Variants in ADAMTS2 observed in about 807,000 individuals in gnomAD.
The protein encoded by ADAMTS2 is ADAM metallopeptidase with thrombospondin type 1 motif 2.
Under a neutral mutation model 123.0 loss-of-function variants are expected in ADAMTS2, and 50 were observed. The observed-to-expected ratio is 0.41, with a 90% CI of 0.32 to 0.51. The LOEUF (loss-of-function observed/expected upper bound fraction) is 0.51. Among genes scored for constraint, ADAMTS2 ranks in the 20% least tolerant of loss-of-function variants. The probability of loss-of-function intolerance (pLI) is 0.35; values close to 1 mark genes in which losing one functional copy is unlikely to be tolerated. For synonymous variants in ADAMTS2, 678 were observed against 695.4 expected (o/e 0.98, Z 0.39); for missense variants, 1,494 against 1,705.2 (o/e 0.88, Z 2.18).
In ADAMTS2 at chr5:179,162,857, C is replaced by T. The variant is rs1274677297; in HGVS notation, c.976-3978G>A. Among the ~76,000 whole-genome samples, 27 of 152,240 alleles carry T rather than the reference C, an allele frequency of 1.8e-4. No individual in the cohort carries two copies. The highest frequency in any genetic ancestry group is 1.7e-3 in the Admixed American group (26 of 15,282). On this transcript the variant is annotated intron_variant, in intron 5 of 21. Coordinates refer to ENST00000251582, the MANE Select transcript of ADAMTS2 (RefSeq NM_014244.5). The surrounding 1 kb of genome is among the most constrained non-coding windows in gnomAD (Gnocchi z 5.1). Reference sequence around the variant, plus strand: ...CTTGCAGCGAAGAGAATCTGAGCCACGTGCTTCCTCCTTTGGGGGACCACA... The same window carrying T: ...CTTGCAGCGAAGAGAATCTGAGCCATGTGCTTCCTCCTTTGGGGGACCACA...
At position 179,204,461 on chromosome 5, in the gene ADAMTS2, G is replaced by GT. The variant is rs571126748; in HGVS notation, c.891+3051_891+3052insA. On this transcript the variant is annotated intron_variant, in intron 4 of 21. Coordinates refer to ENST00000251582, the MANE Select transcript of ADAMTS2 (RefSeq NM_014244.5). Reference sequence around the variant, plus strand: ...CACCAGCCACACTTCAAGTGCTCCAGAGCCCCGGTGGCTACTGCCCCAGAA... The same window carrying GT: ...CACCAGCCACACTTCAAGTGCTCCAGTAGCCCCGGTGGCTACTGCCCCAGAA... Among the ~76,000 whole-genome samples, 336 of 152,334 alleles carry GT rather than the reference G, an allele frequency of 2.2e-3. 1 individual carries two copies. The highest frequency in any genetic ancestry group is 2.5e-3 in the South Asian group (12 of 4,830).
intron 3 of ADAMTS2, among the ~76,000 whole-genome samples, chr5:179,227,147 G>A (rs1765310419): frequency 6.6e-6 from 1 of 152,200 alleles, no homozygotes; most frequent in Non-Finnish European, 1.5e-5. Context: ...ATACTTGTGT[G>A]TGCACAGGAC....
chr5:179,336,187 C>T (rs906440734), intron 2 of ADAMTS2, among the ~76,000 whole-genome samples: 2 of 152,236 alleles, frequency 1.3e-5, no homozygotes, highest in Non-Finnish European at 2.9e-5. Flanking sequence ...CTGGCCCCCG[C>T]CTCCTGGGCC....
rs150962394 is a variant in ADAMTS2 at position 179,312,606 on chromosome 5, C to G, written c.534+31161G>C. 1.4e-4 allele frequency among the ~76,000 whole-genome samples: 22 copies of G among 152,362 alleles called. No individual in the cohort carries two copies. The highest frequency in any genetic ancestry group is 2.1e-4 in the Non-Finnish European group (14 of 68,048). On this transcript the variant is annotated intron_variant, in intron 2 of 21. Transcript: ENST00000251582. The surrounding 1 kb of genome is among the most constrained non-coding windows in gnomAD (Gnocchi z 4.2). ...AAGACAGGCCCTAAATGCAATCACA[C>G]TTCTCTTTATCAGAGGAAGGCAGAG...
At chr5:179,278,797 A>G (rs1766813139) in intron 2 of ADAMTS2, among the ~76,000 whole-genome samples, 5 of 151,858 alleles carry the variant, frequency 3.3e-5, no homozygotes, top group Admixed American at 3.3e-4. Context: ...CATCAAGTCA[A>G]GTTGCCGGCA....
intron 2 of ADAMTS2, among the ~76,000 whole-genome samples, chr5:179,320,369 A>C (rs138745991): frequency 1.1e-4 from 16 of 152,134 alleles, no homozygotes; most frequent in Non-Finnish European, 2.1e-4. Flanking sequence ...GTGCAGTGGC[A>C]CGATCTTGAC....
intron 2 of ADAMTS2, among the ~76,000 whole-genome samples, chr5:179,315,785 A>G (rs1053257121): frequency 1.3e-5 from 2 of 152,230 alleles, no homozygotes; most frequent in African/African-American, 4.8e-5. Flanking sequence ...ACCGAAGAGC[A>G]GAACAGAGGA....
At chr5:179,140,174 T>A in intron 10 of ADAMTS2, 139 bp from the exon 11 acceptor site, 1 of 1,282,776 alleles carries the variant, frequency 7.8e-7, no homozygotes, top group Non-Finnish European at 1.1e-6. Context: ...TCCTCGCCCC[T>A]AGATGCTCAG....
chr5:179,192,833 C>T (rs923949647), intron 4 of ADAMTS2, among the ~76,000 whole-genome samples: 1 of 152,186 alleles, frequency 6.6e-6, no homozygotes, highest in Non-Finnish European at 1.5e-5. Context: ...CAGTCGCCTT[C>T]GTTTGTTAGC....
chr5:179,134,581 A>G (rs1763019169), intron 13 of ADAMTS2, among the ~76,000 whole-genome samples: 1 of 152,150 alleles, frequency 6.6e-6, no homozygotes, highest in Non-Finnish European at 1.5e-5. Context: ...CATAAATTAA[A>G]ATCCCAAGGG....
chr5:179,186,936 A>G (rs1436038224), intron 4 of ADAMTS2, among the ~76,000 whole-genome samples: 2 of 148,024 alleles, frequency 1.4e-5, no homozygotes, highest in Non-Finnish European at 3.0e-5. Flanking sequence ...ACGGCTCTCC[A>G]GTGCCTTCGG....
Position 179,273,041 on chromosome 5 carries a change from C to T in ADAMTS2, c.558G>A (p.Glu186=). The change falls in exon 3 of 22, where the codon GAG becomes GAA. Residue 186 remains glutamate (E), a synonymous_variant. Coordinates refer to ENST00000251582, the MANE Select transcript of ADAMTS2 (RefSeq NM_014244.5). ...DGLAGLIRME[E]EEFFIEPLEK... ...CCAAGGGTTCGATGAAGAACTCCTC[C>T]TCCTCCATCCGGATCAGACCAGCCT... 1.2e-6 allele frequency: 2 copies of T among 1,613,622 alleles called. No homozygotes were observed. The highest frequency in any genetic ancestry group is 2.2e-5 in the East Asian group (1 of 44,878).
intron 5 of ADAMTS2, among the ~76,000 whole-genome samples, chr5:179,179,015 G>A (rs1053213832): frequency 2.6e-5 from 4 of 152,168 alleles, no homozygotes; most frequent in African/African-American, 9.7e-5. Flanking sequence ...TGTGATCTCA[G>A]CTCACTGCAA....
At chr5:179,322,160 T>C (rs1757201194) in intron 2 of ADAMTS2, among the ~76,000 whole-genome samples, 2 of 152,240 alleles carry the variant, frequency 1.3e-5, no homozygotes, top group Admixed American at 6.5e-5. Flanking sequence ...TTCTGTTTTA[T>C]ATGAAGGCAC....
intron 2 of ADAMTS2, among the ~76,000 whole-genome samples, chr5:179,341,729 A>AAAAG (rs370108806): frequency 0.18 from 25,877 of 143,762 alleles, 2,721 homozygotes; most frequent in African/African-American, 0.24. Flanking sequence ...AAAAAAAAAA[A>AAAAG]AAAGAAAACA....
In ADAMTS2 at chr5:179,181,454, C is replaced by T. The variant is rs545531638; in HGVS notation, c.892-299G>A. 1.9e-3 allele frequency among the ~76,000 whole-genome samples: 287 copies of T among 152,278 alleles called. No individual in the cohort carries two copies. The highest frequency in any genetic ancestry group is 6.4e-3 in the African/African-American group (264 of 41,552). On this transcript the variant is annotated intron_variant, in intron 4 of 21. Coordinates refer to ENST00000251582, the MANE Select transcript of ADAMTS2 (RefSeq NM_014244.5). This position sits in a 1 kb window ranked among gnomAD's most constrained non-coding sequence, Gnocchi z 4.1. ...AACGTGGGCAGGGAAAGCAGCCCTA[C>T]GCTTGCTGTAGCCTCCAGCTGAAAC...
Position 179,225,447 on chromosome 5 carries a change from C to T in ADAMTS2, c.689-17732G>A, listed in dbSNP as rs1765258259. On this transcript the variant is annotated intron_variant, in intron 3 of 21. Transcript: ENST00000251582. The surrounding 1 kb of genome is among the most constrained non-coding windows in gnomAD (Gnocchi z 4.5). ...CCTATGTGAGGACAGGCACTCTTGC[C>T]TTTGTGCCCAAATGTCACATTTCCC... Among the ~76,000 whole-genome samples, 1 of 152,200 alleles carries T rather than the reference C, an allele frequency of 6.6e-6. No individual in the cohort carries two copies. The highest frequency in any genetic ancestry group is 1.5e-5 in the Non-Finnish European group (1 of 68,044).
At chr5:179,318,645 C>A (rs889763668) in intron 2 of ADAMTS2, among the ~76,000 whole-genome samples, 1 of 152,184 alleles carries the variant, frequency 6.6e-6, no homozygotes, top group Non-Finnish European at 1.5e-5. Context: ...CATTTGTCCC[C>A]ATGAGACCAC....
intron 10 of ADAMTS2, among the ~76,000 whole-genome samples, chr5:179,140,980 T>TC (rs1763157139): frequency 6.6e-6 from 1 of 151,556 alleles, no homozygotes; most frequent in African/African-American, 2.4e-5. Flanking sequence ...TTGCATTTTT[T>TC]TTTTTTTTAT....
Sources: gnomAD v4.1 joint callset for allele counts (sites outside exome capture counted in the v4.1 genomes callset) on GRCh38, gnomAD v4.1.1 for gene constraint, Gnocchi (gnomAD v3.1) non-coding constraint, MANE v1.5 for transcripts, NCBI Gene and HGNC (gene_info 2026-07-23, HGNC 2026-07-21) for gene names.